The following LRIF1 variants were observed in gnomAD, a reference collection of about 807,000 sequenced individuals.
LRIF1 encodes the protein ligand-dependent nuclear receptor-interacting factor 1.
LRIF1 carries 32 observed loss-of-function variants against 52.7 expected under a neutral mutation model. The observed-to-expected ratio is 0.61, with a 90% CI of 0.46 to 0.82. The LOEUF (loss-of-function observed/expected upper bound fraction) is 0.82, where lower values mean the gene tolerates loss of function less well. Among genes scored for constraint, LRIF1 ranks in the 40% least tolerant of loss-of-function variants. The probability of loss-of-function intolerance (pLI) is 0.00; values close to 1 mark genes in which losing one functional copy is unlikely to be tolerated. For synonymous variants in LRIF1, 323 were observed against 317.4 expected, an observed-to-expected ratio of 1.02 and a Z score of -0.19; for missense variants, 887 against 892.0, an observed-to-expected ratio of 0.99 and a Z score of 0.07.
At position 110,951,394 on chromosome 1, in the gene LRIF1, T is replaced by C; in HGVS notation, c.1490A>G (p.Tyr497Cys). The C allele has an allele frequency of 6.2e-7, 1 of 1,614,140 alleles. No homozygotes were observed. Among genetic ancestry groups the C allele is most frequent in the Non-Finnish European group, 8.5e-7 (1 of 1,179,992 alleles). ...CTGGAGGACACTTCCTTTTCTAGCA[T>C]AAATGACGGCTGTTACTTTTCTGGG... ...NAPRKVTAVIYARKGSVLQSI... is the reference protein window; with the variant it reads ...NAPRKVTAVICARKGSVLQSI... Residue 497 changes from tyrosine to cysteine, a missense_variant, in exon 2 of 4, where the codon TAT (tyrosine) becomes TGT (cysteine). By Grantham distance (194) the Tyr-to-Cys change is radical. Transcript: ENST00000369763.
At chr1:110,912,991 A>G in the LRIF1 span, among the ~76,000 whole-genome samples, 1 of 152,214 alleles carries the variant, frequency 6.6e-6, no homozygotes, top group Non-Finnish European at 1.5e-5. Context: ...CACACAGACT[A>G]ATGGAACAGA....
rs1658381372 is a variant in LRIF1, at chr1:110,949,762, T to C, written c.1869+89A>G. ...CAGTAACAACCATCATTTATACTAA[T>C]GCACAAGGGTTAAAACCAAATCAAG... On this transcript the variant is annotated intron_variant, in intron 3 of 3. Coordinates refer to ENST00000369763, the MANE Select transcript of LRIF1 (RefSeq NM_018372.4). 2.2e-6 allele frequency: 3 copies of C among 1,336,052 alleles called. No homozygotes were observed. In the South Asian group the frequency reaches 4.2e-5, roughly 19 times the overall value. 82.8% of individuals were successfully genotyped at this position (1,336,052 alleles called of 1,614,324 possible). A position where few individuals can be genotyped will look rare whatever the true frequency, so the allele number is the denominator to read the frequency against.
At chr1:110,948,707 GT>G (rs879757813) in intron 3 of LRIF1, among the ~76,000 whole-genome samples, 2 of 152,056 alleles carry the variant, frequency 1.3e-5, no homozygotes, top group Non-Finnish European at 2.9e-5. Context: ...AAAATTGATT[GT>G]TTTTTTCTTT....
intron 2 of LRIF1, among the ~76,000 whole-genome samples, 171 bp from the exon 3 acceptor site, chr1:110,950,294 T>A (rs776348195): frequency 6.6e-6 from 1 of 152,200 alleles, no homozygotes; most frequent in Non-Finnish European, 1.5e-5. Context: ...TATAAGGAAG[T>A]ACAAACTTAA....
chr1:110,904,390 G>A, the LRIF1 span, among the ~76,000 whole-genome samples: 1 of 152,148 alleles, frequency 6.6e-6, no homozygotes, highest in Non-Finnish European at 1.5e-5. Context: ...GAGTGACACA[G>A]GCGTGCTTGT....
chr1:110,948,712 T>C (rs1658321191), intron 3 of LRIF1, among the ~76,000 whole-genome samples: 1 of 152,240 alleles, frequency 6.6e-6, no homozygotes, highest in Non-Finnish European at 1.5e-5. Flanking sequence ...TGATTGTTTT[T>C]TTCTTTTCCT....
the LRIF1 span, among the ~76,000 whole-genome samples, chr1:110,905,301 C>G: frequency 6.6e-6 from 1 of 152,100 alleles, no homozygotes; most frequent in Non-Finnish European, 1.5e-5. Context: ...GAGCACCAAG[C>G]TGACTTAATC....
the LRIF1 span, among the ~76,000 whole-genome samples, chr1:110,886,864 TATATA>T: frequency 7.2e-3 from 560 of 78,122 alleles, 13 homozygotes; most frequent in South Asian, 0.077. Context: ...TATATATATA[TATATA>T]TTTTTTTTTT....
At chr1:110,932,415 G>A in the LRIF1 span, among the ~76,000 whole-genome samples, 12 of 152,114 alleles carry the variant, frequency 7.9e-5, no homozygotes, top group African/African-American at 2.2e-4. Flanking sequence ...GTCAGGTAGC[G>A]TGATGCCTCC....
chr1:110,950,070 G>T lies in LRIF1; in HGVS notation c.1650C>A (p.Asp550Glu). 1 of 1,613,812 alleles carries T rather than the reference G, an allele frequency of 6.2e-7. No individual in the cohort carries two copies. The highest frequency in any genetic ancestry group is 8.5e-7 in the Non-Finnish European group (1 of 1,179,936). ...TSDKGAQGRN[D>E]KKDSQGRSNK... Reference sequence around the variant, plus strand: ...TACTTCTTCCTTGAGAATCTTTCTTGTCATTTCTTCCTTGGGCACCTTTAT... The same window carrying T: ...TACTTCTTCCTTGAGAATCTTTCTTTTCATTTCTTCCTTGGGCACCTTTAT... The change falls in exon 3 of 4, where the codon GAC becomes GAA. Residue 550 changes from aspartate (D) to glutamate (E), a missense_variant. Asp to Glu is a conservative substitution (Grantham distance 45, BLOSUM62 2). Transcript: ENST00000369763.
At chr1:110,894,486 A>C in the LRIF1 span, 2 of 1,011,954 alleles carry the variant, frequency 2.0e-6, no homozygotes, top group Non-Finnish European at 3.1e-6. Context: ...GTTACAGAAT[A>C]AGTTCTATAA....
chr1:110,891,056 C>A, the LRIF1 span, among the ~76,000 whole-genome samples: 1 of 152,254 alleles, frequency 6.6e-6, no homozygotes, highest in East Asian at 1.9e-4. Context: ...TGCCCAGGCA[C>A]TAGTTGCTAA....
chr1:110,896,560 A>G, the LRIF1 span: 2 of 1,152,558 alleles, frequency 1.7e-6, no homozygotes, highest in Non-Finnish European at 2.6e-6. Flanking sequence ...CTATAGAGTC[A>G]GATCTGAAGG....
At position 110,948,067 on chromosome 1, in the gene LRIF1, C is replaced by A. The variant is rs370405768; in HGVS notation, c.2202G>T (p.Pro734=). The A allele has an allele frequency of 1.1e-5, 18 of 1,613,896 alleles. No individual in the cohort carries two copies. The highest frequency in any genetic ancestry group is 1.5e-5 in the Non-Finnish European group (18 of 1,180,002). Residue 734 remains proline (P), a synonymous_variant, in exon 4 of 4, where the codon CCG becomes CCT. Coordinates refer to ENST00000369763, the MANE Select transcript of LRIF1 (RefSeq NM_018372.4). ...CATCTCGAATGGTTTCTTCTAACTCCGGTGGTGTCACTGGGAAAATATCTT... is the reference window on the plus strand; with the variant it reads ...CATCTCGAATGGTTTCTTCTAACTCAGGTGGTGTCACTGGGAAAATATCTT... ...YTEDIFPVTP[P]ELEETIRDEK... is the part of the protein sequence containing the mutation.
At chr1:110,946,803 C>A (rs1658219068), downstream of LRIF1, among the ~76,000 whole-genome samples, 1 of 151,754 alleles carries the variant, frequency 6.6e-6, no homozygotes, top group African/African-American at 2.4e-5. Context: ...ATTACAGGTG[C>A]CCGCCACTGT....
chr1:110,943,416 AG>A (rs1412051767), downstream of LRIF1: 2 of 152,200 alleles, frequency 1.3e-5, no homozygotes, highest in Middle Eastern at 6.3e-3. Context: ...TGAGCAGCAA[AG>A]CTTTAATAAG....
At chr1:110,902,517 A>AGAAAAAAAAAAAAAAAAAAAG in the LRIF1 span, among the ~76,000 whole-genome samples, 1 of 104,696 alleles carries the variant, frequency 9.6e-6, no homozygotes, top group Non-Finnish European at 2.1e-5. Context: ...AAAAAAAAAA[A>AGAAAAAAAAAAAAAAAAAAAG]AAAGAAATAC....
At chr1:110,957,810 A>G (rs2101119374) in intron 1 of LRIF1, among the ~76,000 whole-genome samples, 1 of 152,338 alleles carries the variant, frequency 6.6e-6, no homozygotes, top group South Asian at 2.1e-4. Flanking sequence ...ATTCATCCAC[A>G]GAACCTTGCA....
rs1557836438 is a variant in LRIF1 at position 110,948,060 on chromosome 1, C to T, written c.2209G>A (p.Glu737Lys). 1 of 1,613,906 alleles carries T rather than the reference C, an allele frequency of 6.2e-7. No homozygotes were observed. Among genetic ancestry groups the T allele is most frequent in the Non-Finnish European group, 8.5e-7 (1 of 1,179,988 alleles). ...ATTTTTTCATCTCGAATGGTTTCTT[C>T]TAACTCCGGTGGTGTCACTGGGAAA... is the stretch of plus-strand genomic sequence containing the variant. ...DIFPVTPPEL[E>K]ETIRDEKIRR... Residue 737 changes from glutamate to lysine, a missense_variant, in exon 4 of 4, where the codon GAA (glutamate) becomes AAA (lysine). By Grantham distance (56) the Glu-to-Lys change is moderately conservative. Coordinates refer to ENST00000369763, the MANE Select transcript of LRIF1 (RefSeq NM_018372.4).
Sources: allele counts gnomAD v4.1 joint callset (sites outside exome capture counted in the v4.1 genomes callset), GRCh38; gene constraint gnomAD v4.1.1; transcripts MANE v1.5; gene names NCBI Gene and HGNC (gene_info 2026-07-23, HGNC 2026-07-21).